Variants in EPB41L2 observed in about 807,000 individuals in gnomAD.
EPB41L2 encodes the protein erythrocyte membrane protein band 4.1 like 2.
EPB41L2 carries 43 observed loss-of-function variants against 113.0 expected under a neutral mutation model. That is an observed-to-expected ratio of 0.38 (90% CI 0.30 to 0.49). The LOEUF is 0.49. EPB41L2 is among the 20% of genes least tolerant of loss of function. The pLI is 0.95. For synonymous variants in EPB41L2, 442 were observed against 436.7 expected, an observed-to-expected ratio of 1.01 and a Z score of -0.15; for missense variants, 1,147 against 1,223.4, an observed-to-expected ratio of 0.94 and a Z score of 0.93.
intron 1 of EPB41L2, among the ~76,000 whole-genome samples, chr6:131,035,442 CT>C (rs1793102066): frequency 6.6e-6 from 1 of 152,238 alleles, no homozygotes; most frequent in African/African-American, 2.4e-5. Context: ...CCCATCTCCT[CT>C]TCTGCTTCCT....
intron 1 of EPB41L2, among the ~76,000 whole-genome samples, chr6:131,005,138 T>C (rs57308916): frequency 0.029 from 4,402 of 151,256 alleles, 198 homozygotes; most frequent in African/African-American, 0.1. Context: ...AACTTCTATC[T>C]TGCAATTCCC....
intron 19 of EPB41L2, among the ~76,000 whole-genome samples, chr6:130,851,204 G>A (rs1398632445): frequency 2.0e-5 from 3 of 152,110 alleles, no homozygotes; most frequent in Non-Finnish European, 2.9e-5. Context: ...CACTCATCAG[G>A]GCCCACATGT....
chr6:131,043,417 C>A (rs369796392), intron 1 of EPB41L2, among the ~76,000 whole-genome samples: 19 of 151,512 alleles, frequency 1.3e-4, no homozygotes, highest in African/African-American at 4.4e-4. Flanking sequence ...TTAACAACAA[C>A]AAAAAAAACT....
At chr6:131,058,420 C>T (rs1422643685) in intron 1 of EPB41L2, among the ~76,000 whole-genome samples, 1 of 152,128 alleles carries the variant, frequency 6.6e-6, no homozygotes, top group African/African-American at 2.4e-5. Flanking sequence ...CAACACAGAT[C>T]CCAAGCCAAC....
At chr6:130,909,714 A>C (rs986598657) in intron 4 of EPB41L2, among the ~76,000 whole-genome samples, 14 of 152,228 alleles carry the variant, frequency 9.2e-5, no homozygotes, top group African/African-American at 2.7e-4. Context: ...CAATGTGCGA[A>C]AATCACAAGC....
chr6:130,879,068 T>C (rs1788468389), intron 13 of EPB41L2, among the ~76,000 whole-genome samples: 1 of 152,250 alleles, frequency 6.6e-6, no homozygotes, highest in South Asian at 2.1e-4. Context: ...CGACTGGCTC[T>C]CATAAATAGT....
At chr6:130,952,830 A>T (rs1163613126) in intron 3 of EPB41L2, among the ~76,000 whole-genome samples, 1 of 151,910 alleles carries the variant, frequency 6.6e-6, no homozygotes, top group Non-Finnish European at 1.5e-5. Context: ...AATCTAAAAC[A>T]CATGGCAAAA....
At chr6:130,856,282 A>C (rs1005158548) in intron 19 of EPB41L2, among the ~76,000 whole-genome samples, 1 of 152,250 alleles carries the variant, frequency 6.6e-6, no homozygotes, top group African/African-American at 2.4e-5. Context: ...ATAATGAAAG[A>C]CAAACCACAA....
intron 1 of EPB41L2, among the ~76,000 whole-genome samples, chr6:130,964,373 T>C (rs1439779746): frequency 2.6e-5 from 4 of 152,126 alleles, no homozygotes; most frequent in Admixed American, 6.5e-5. Flanking sequence ...TAAAATAGCC[T>C]GGTGGCTTGG....
intron 3 of EPB41L2, among the ~76,000 whole-genome samples, chr6:130,940,709 T>G (rs1004944345): frequency 7.2e-5 from 11 of 152,114 alleles, no homozygotes; most frequent in Non-Finnish European, 1.3e-4. Flanking sequence ...TCAAGTGTGA[T>G]CTGCCCGCCT....
In EPB41L2 at chr6:130,901,023, A is replaced by C; in HGVS notation, c.1087T>G (p.Phe363Val). 1 of 1,614,118 alleles carries C rather than the reference A, an allele frequency of 6.2e-7. No homozygotes were observed. The highest frequency in any genetic ancestry group is 8.5e-7 in the Non-Finnish European group (1 of 1,180,008). Residue 363 changes from phenylalanine (F) to valine (V), a missense_variant, in exon 7 of 20, where the codon TTT becomes GTT. Physicochemically the swap from Phe to Val is conservative, Grantham distance 50 (BLOSUM62 -1). Coordinates refer to ENST00000337057, the MANE Select transcript of EPB41L2 (RefSeq NM_001431.4). Reference protein sequence around the residue: ...HGSIDLSEFQFAPTQTKELEE... With the variant: ...HGSIDLSEFQVAPTQTKELEE... ...AGCTCCTTAGTCTGAGTAGGGGCAA[A>C]CTGGAATTCACTGAGGTCGATGCTG...
At chr6:131,044,915 A>T (rs1273688751) in intron 1 of EPB41L2, among the ~76,000 whole-genome samples, 2 of 152,248 alleles carry the variant, frequency 1.3e-5, no homozygotes, top group Non-Finnish European at 2.9e-5. Context: ...CACAATACAC[A>T]GTAAGGTTAA....
chr6:131,029,391 T>TTTTAA, intron 1 of EPB41L2, among the ~76,000 whole-genome samples: 1 of 119,470 alleles, frequency 8.4e-6, no homozygotes, highest in African/African-American at 3.3e-5. Context: ...AGCATTTGTT[T>TTTTAA]AAAAAAAAAA....
intron 3 of EPB41L2, among the ~76,000 whole-genome samples, chr6:130,947,111 T>C (rs963566419): frequency 2.0e-5 from 3 of 150,294 alleles, no homozygotes; most frequent in African/African-American, 4.9e-5. Context: ...AGGTCCTGTA[T>C]ACCAATGACT....
At chr6:130,849,785 A>C (rs1257490471) in intron 19 of EPB41L2, among the ~76,000 whole-genome samples, 1 of 152,240 alleles carries the variant, frequency 6.6e-6, no homozygotes, top group East Asian at 1.9e-4. Context: ...AGGGAGAAAC[A>C]AATGCTCTTT....
intron 1 of EPB41L2, among the ~76,000 whole-genome samples, chr6:131,051,433 C>T (rs1451614825): frequency 1.1e-5 from 1 of 88,272 alleles, no homozygotes; most frequent in African/African-American, 5.3e-5. Flanking sequence ...TTACAAGGAA[C>T]AAATTCACAA....
chr6:131,017,852 C>A (rs1295091669), intron 1 of EPB41L2, among the ~76,000 whole-genome samples: 1 of 152,196 alleles, frequency 6.6e-6, no homozygotes, highest in Non-Finnish European at 1.5e-5. Flanking sequence ...TAAAACATCT[C>A]CATTTTAACT....
At chr6:131,062,622 G>A (rs974607968) in intron 1 of EPB41L2, 1 of 151,390 alleles carries the variant, frequency 6.6e-6, no homozygotes, top group Non-Finnish European at 1.5e-5. Flanking sequence ...GTCCCCACGC[G>A]CGCGGCCGGC....
chr6:130,883,945 T>C (rs1760304197), intron 12 of EPB41L2, among the ~76,000 whole-genome samples: 1 of 152,198 alleles, frequency 6.6e-6, no homozygotes, highest in South Asian at 2.1e-4. Context: ...CCTCAGAGGC[T>C]ATCAGTGTAG....
Sources: allele counts gnomAD v4.1 joint callset (sites outside exome capture counted in the v4.1 genomes callset), GRCh38; gene constraint gnomAD v4.1.1; transcripts MANE v1.5; gene names NCBI Gene and HGNC (gene_info 2026-07-23, HGNC 2026-07-21).